The following TASP1 variants were observed in gnomAD, a reference collection of about 807,000 sequenced individuals.
TASP1 encodes the protein threonine aspartase 1.
A neutral mutation model predicts 56.6 loss-of-function variants in TASP1; 16 were observed. That is an observed-to-expected ratio of 0.28 (90% CI 0.19 to 0.43). TASP1 has a LOEUF of 0.43. Ranked by LOEUF, TASP1 falls within the 20% of genes least tolerant of loss-of-function variation. TASP1 has a pLI of 1.00. For missense variants in TASP1, 393 were observed against 511.6 expected (o/e 0.77, Z 2.24); for synonymous variants, 179 against 184.2 (o/e 0.97, Z 0.23).
At chr20:13,109,695 G>A in the TASP1 span, among the ~76,000 whole-genome samples, 2 of 152,336 alleles carry the variant, frequency 1.3e-5, no homozygotes, top group South Asian at 2.1e-4. Context: ...TGAGATCCGT[G>A]CAAACTCAGC....
chr20:13,171,664 C>T, the TASP1 span, among the ~76,000 whole-genome samples: 5 of 151,952 alleles, frequency 3.3e-5, no homozygotes, highest in African/African-American at 1.2e-4. Flanking sequence ...TTTCTAATAG[C>T]GAATTAGAGA....
chr20:13,553,562 G>C (rs1344656523), intron 8 of TASP1, among the ~76,000 whole-genome samples: 1 of 151,980 alleles, frequency 6.6e-6, no homozygotes, highest in Non-Finnish European at 1.5e-5. Context: ...AAAAAAATAA[G>C]CAAGGATGAA....
intron 11 of TASP1, among the ~76,000 whole-genome samples, chr20:13,443,975 A>G (rs2043309790): frequency 6.6e-6 from 1 of 152,212 alleles, no homozygotes; most frequent in African/African-American, 2.4e-5. Context: ...CAGAACAAAG[A>G]GCCAAGGAAC....
At chr20:13,397,359 A>G (rs2041580588) in intron 13 of TASP1, among the ~76,000 whole-genome samples, 1 of 152,194 alleles carries the variant, frequency 6.6e-6, no homozygotes, top group South Asian at 2.1e-4. Context: ...TTTTGCATCA[A>G]TGAGATCCCT....
In TASP1 at chr20:13,431,643, G is replaced by A. The variant is rs541397140; in HGVS notation, c.1096+3401C>T. ...AGGAGGAAGAGAAAAGGAGAAAAGC[G>A]AATGCTATAGGGTCTGAATGTTTGT... On this transcript the variant is annotated intron_variant, in intron 12 of 13. Transcript: ENST00000337743. Among the ~76,000 whole-genome samples, 8 of 152,262 alleles carry A rather than the reference G, an allele frequency of 5.3e-5. No homozygotes were observed. The South Asian group carries it at 1.0e-3, about 20-fold the overall frequency.
chr20:13,561,652 C>G (rs866401872), intron 7 of TASP1, among the ~76,000 whole-genome samples: 2 of 152,114 alleles, frequency 1.3e-5, no homozygotes, highest in Middle Eastern at 3.2e-3. Flanking sequence ...CAGGTATGAG[C>G]CACCATGCCT....
chr20:13,361,181 C>G, the TASP1 span, among the ~76,000 whole-genome samples: 2 of 152,156 alleles, frequency 1.3e-5, no homozygotes, highest in African/African-American at 4.8e-5. Context: ...TAGCTTTACT[C>G]AACATGCCCT....
At chr20:13,203,468 T>C in the TASP1 span, among the ~76,000 whole-genome samples, 11 of 152,362 alleles carry the variant, frequency 7.2e-5, no homozygotes, top group African/African-American at 1.9e-4. Flanking sequence ...TTTAGGATCT[T>C]GTTCAGATTT....
chr20:13,160,227 T>C, the TASP1 span: 1 of 1,416,280 alleles, frequency 7.1e-7, no homozygotes. Flanking sequence ...TCTGGGTTTC[T>C]CTTGGGTTAT....
At chr20:13,600,698 A>T (rs2047922301) in intron 4 of TASP1, 1 of 152,206 alleles carries the variant, frequency 6.6e-6, no homozygotes, top group Non-Finnish European at 1.5e-5. Context: ...TATATTATAC[A>T]AGAAAAAATA....
At chr20:13,358,295 G>A in the TASP1 span, among the ~76,000 whole-genome samples, 3 of 152,206 alleles carry the variant, frequency 2.0e-5, no homozygotes, top group Admixed American at 6.5e-5. Flanking sequence ...CTCACACAAA[G>A]CCTGTTTGGT....
At chr20:13,299,407 G>A in the TASP1 span, 34 of 1,611,914 alleles carry the variant, frequency 2.1e-5, no homozygotes, top group African/African-American at 4.0e-4. The surrounding 1 kb of genome is among the most constrained non-coding windows in gnomAD (Gnocchi z 5.8). Context: ...TGCACAGAGA[G>A]CCCCTCGGAC....
the TASP1 span, among the ~76,000 whole-genome samples, chr20:13,110,890 G>A: frequency 6.6e-6 from 1 of 152,050 alleles, no homozygotes. Context: ...AATATTAAAA[G>A]GAAGGAAGTG....
chr20:13,538,970 C>T (rs954881576), intron 8 of TASP1, among the ~76,000 whole-genome samples: 1 of 152,086 alleles, frequency 6.6e-6, no homozygotes, highest in Non-Finnish European at 1.5e-5. Context: ...ATCGCTTGAA[C>T]CCAGGAGGTG....
At chr20:13,298,869 A>C in the TASP1 span, 1 of 1,493,388 alleles carries the variant, frequency 6.7e-7, no homozygotes, top group Middle Eastern at 1.8e-4. Context: ...GCCTGGTGTC[A>C]CATGCTCCTT....
the TASP1 span, among the ~76,000 whole-genome samples, chr20:13,311,250 TAGATAGATA>T: frequency 3.1e-5 from 4 of 127,748 alleles, no homozygotes; most frequent in Non-Finnish European, 6.7e-5. Context: ...AGATGATAGA[TAGATAGATA>T]GATAGATAGA....
chr20:13,482,429 T>C (rs2043173529), intron 11 of TASP1, among the ~76,000 whole-genome samples: 1 of 152,210 alleles, frequency 6.6e-6, no homozygotes, highest in African/African-American at 2.4e-5. Context: ...GGTTGTTTTT[T>C]CTATTTCAGA....
the TASP1 span, among the ~76,000 whole-genome samples, chr20:13,312,455 C>T: frequency 1.3e-5 from 2 of 152,198 alleles, no homozygotes; most frequent in South Asian, 4.1e-4. Context: ...CTGCACAACG[C>T]CCTGCAACTT....
At chr20:13,629,236 C>T (rs769018398) in intron 2 of TASP1, among the ~76,000 whole-genome samples, 1 of 151,626 alleles carries the variant, frequency 6.6e-6, no homozygotes, top group South Asian at 2.1e-4. Context: ...TGATGGTGGA[C>T]GTCTGTAATC....
Sources: gnomAD v4.1 joint callset for allele counts (sites outside exome capture counted in the v4.1 genomes callset) on GRCh38, gnomAD v4.1.1 for gene constraint, Gnocchi (gnomAD v3.1) non-coding constraint, MANE v1.5 for transcripts, NCBI Gene and HGNC (gene_info 2026-07-23, HGNC 2026-07-21) for gene names.